CREB3L2: variants seen among roughly 807,000 people sequenced by gnomAD.
The protein encoded by CREB3L2 is cyclic AMP-responsive element-binding protein 3-like protein 2.
A neutral mutation model predicts 57.2 loss-of-function variants in CREB3L2; 23 were observed. The observed-to-expected ratio is 0.40, with a 90% CI of 0.29 to 0.57. The LOEUF (loss-of-function observed/expected upper bound fraction) is 0.57, where lower values mean the gene tolerates loss of function less well. CREB3L2 is among the 20% of genes least tolerant of loss of function. CREB3L2 has a pLI of 0.42. For synonymous variants in CREB3L2, 268 were observed against 265.1 expected (o/e 1.01, Z -0.11); for missense variants, 628 against 634.7 (o/e 0.99, Z 0.11).
chr7:137,972,734 TATAGAGAGAGAGAG>T (rs1327413539), intron 1 of CREB3L2, among the ~76,000 whole-genome samples: 113 of 23,414 alleles, frequency 4.8e-3, no homozygotes, highest in African/African-American at 0.022. Flanking sequence ...TATATATATA[TATAGAGAGAGAGAG>T]AGAGAGAGAG....
At chr7:137,921,374 T>TA (rs1800270723) in intron 2 of CREB3L2, among the ~76,000 whole-genome samples, 1 of 151,806 alleles carries the variant, frequency 6.6e-6, no homozygotes, top group Non-Finnish European at 1.5e-5. Flanking sequence ...AGCAAGAAAA[T>TA]AAAAACAAGC....
intron 2 of CREB3L2, among the ~76,000 whole-genome samples, chr7:137,927,021 G>A (rs1469795284): frequency 6.6e-6 from 1 of 152,030 alleles, no homozygotes; most frequent in Non-Finnish European, 1.5e-5. Flanking sequence ...GCCAGGTGTA[G>A]TGGCACATGC....
intron 9 of CREB3L2, 125 bp downstream of exon 9, chr7:137,885,278 T>C: frequency 8.5e-7 from 1 of 1,172,748 alleles, no homozygotes; most frequent in Non-Finnish European, 1.2e-6. Context: ...AGGAACAGCC[T>C]CAGAGTGGAG....
chr7:137,982,135 C>A (rs992608455), intron 1 of CREB3L2, among the ~76,000 whole-genome samples: 1 of 152,180 alleles, frequency 6.6e-6, no homozygotes, highest in Non-Finnish European at 1.5e-5. Context: ...TTAGCTTTTA[C>A]CACTGTTAGG....
rs931194774 is a variant in CREB3L2, at chr7:137,884,967, C to T, written c.1270+28G>A. 2.5e-6 allele frequency: 4 copies of T among 1,613,972 alleles called. No homozygotes were observed. The African/African-American group carries it at 5.3e-5, about 22-fold the overall frequency. The stretch of plus-strand genomic sequence containing the variant: ...AGCTCTAGGGAAATAAAACAAGACC[C>T]TGCCCAACTTGCCACATGCTGTCTT... On this transcript the variant is annotated intron_variant, in intron 10 of 11. Coordinates refer to ENST00000330387, the MANE Select transcript of CREB3L2 (RefSeq NM_194071.4).
At chr7:137,956,725 T>C (rs1353956822) in intron 1 of CREB3L2, 9 of 1,024,574 alleles carry the variant, frequency 8.8e-6, no homozygotes, top group Non-Finnish European at 1.2e-5. Flanking sequence ...AGGTTCTGAA[T>C]TCTTTGAGTT....
chr7:137,989,910 T>G (rs1801859154), intron 1 of CREB3L2, among the ~76,000 whole-genome samples: 1 of 152,194 alleles, frequency 6.6e-6, no homozygotes, highest in South Asian at 2.1e-4. Context: ...TATCCTCTCT[T>G]GAATTCATCT....
chr7:137,959,161 G>A (rs968886635), intron 1 of CREB3L2, among the ~76,000 whole-genome samples: 4 of 152,184 alleles, frequency 2.6e-5, no homozygotes, highest in Admixed American at 6.5e-5. Context: ...CCATGAAGAG[G>A]TGATGTCTAT....
chr7:137,926,576 C>T (rs190759271), intron 2 of CREB3L2, among the ~76,000 whole-genome samples: 17 of 152,112 alleles, frequency 1.1e-4, no homozygotes, highest in East Asian at 3.9e-4. Flanking sequence ...CAGGGCCTGT[C>T]GGTGGGTAGC....
chr7:137,900,664 C>A (rs983181711), intron 8 of CREB3L2, among the ~76,000 whole-genome samples: 1 of 151,494 alleles, frequency 6.6e-6, no homozygotes, highest in Non-Finnish European at 1.5e-5. Flanking sequence ...ATTAGCCGGA[C>A]GTGGTGGCGC....
In CREB3L2 at chr7:138,001,811, T is replaced by TGC. The variant is rs1164928402; in HGVS notation, c.-108_-107dup. On this transcript the variant is annotated 5_prime_UTR_variant, in exon 1 of 12. Coordinates refer to ENST00000330387, the MANE Select transcript of CREB3L2 (RefSeq NM_194071.4). This position sits in a 1 kb window ranked among gnomAD's most constrained non-coding sequence, Gnocchi z 4.2. ...CTCTCTCCGCGTGTGCTTGCGTGTG[T>TGC]GCGCGCGCGTGTCTGTAGTTTTGCA... is the stretch of plus-strand genomic sequence containing the variant. The TGC allele has an allele frequency of 2.2e-5, 16 of 731,130 alleles. No individual in the cohort carries two copies. Among genetic ancestry groups the TGC allele is most frequent in the East Asian group, 1.9e-4 (6 of 32,042 alleles). 45.3% of individuals were successfully genotyped at this position (731,130 alleles called of 1,614,324 possible). A position where few individuals can be genotyped will look rare whatever the true frequency, so the allele number is the denominator to read the frequency against.
intron 1 of CREB3L2, among the ~76,000 whole-genome samples, chr7:137,979,759 A>G (rs894508877): frequency 1.4e-5 from 2 of 141,622 alleles, no homozygotes; most frequent in East Asian, 3.9e-4. Flanking sequence ...CAACAACAAC[A>G]ACAACAAAGA....
In CREB3L2 at chr7:137,946,784, A is replaced by ATATATATAGT. The variant is rs1563262175; in HGVS notation, c.103-18419_103-18418insACTATATATA. On this transcript the variant is annotated intron_variant, in intron 1 of 11. Coordinates refer to ENST00000330387, the MANE Select transcript of CREB3L2 (RefSeq NM_194071.4). ...ATATAGTTTAGTTATCTATATAGTT[A>ATATATATAGT]TCTATATAGTTATATATAGTTATAT... is the stretch of plus-strand genomic sequence containing the variant. Among the ~76,000 whole-genome samples, 27 of 65,710 alleles carry ATATATATAGT rather than the reference A, an allele frequency of 4.1e-4. 2 individuals carry two copies. The highest frequency in any genetic ancestry group is 2.9e-3 in the African/African-American group (24 of 8,240). 43.1% of individuals were successfully genotyped at this position (65,710 alleles called of 152,430 possible).
chr7:137,970,507 T>C (rs1801488178), intron 1 of CREB3L2, among the ~76,000 whole-genome samples: 1 of 144,910 alleles, frequency 6.9e-6, no homozygotes, highest in Non-Finnish European at 1.5e-5. Context: ...AACTTTACGT[T>C]CAGGGTGAAT....
intron 1 of CREB3L2, among the ~76,000 whole-genome samples, chr7:137,971,203 C>G (rs1170776471): frequency 2.0e-5 from 3 of 152,056 alleles, no homozygotes. Flanking sequence ...GTAATCCCAG[C>G]ACTTTGGGAG....
At chr7:137,928,667 G>T (rs1800538164) in intron 1 of CREB3L2, among the ~76,000 whole-genome samples, 1 of 152,156 alleles carries the variant, frequency 6.6e-6, no homozygotes, top group African/African-American at 2.4e-5. Context: ...GCTGGGCTGG[G>T]ACCCCTGGAC....
At chr7:137,955,190 C>T (rs1801182963) in intron 1 of CREB3L2, 12 of 871,804 alleles carry the variant, frequency 1.4e-5, no homozygotes, top group Non-Finnish European at 2.0e-5. Context: ...ATTAGAAACC[C>T]CCTGAAATCC....
At chr7:137,928,606 C>A (rs1800536555) in intron 1 of CREB3L2, among the ~76,000 whole-genome samples, 1 of 152,150 alleles carries the variant, frequency 6.6e-6, no homozygotes, top group Non-Finnish European at 1.5e-5. Flanking sequence ...GAGCTGATTT[C>A]ATCTGTGTTC....
Position 137,940,756 on chromosome 7 carries a change from C to T in CREB3L2, c.103-12390G>A, listed in dbSNP as rs551108892. Among the ~76,000 whole-genome samples, 91 of 152,288 alleles carry T rather than the reference C, an allele frequency of 6.0e-4. 3 individuals carry two copies. Among genetic ancestry groups the T allele is most frequent in the South Asian group, 4.1e-3 (20 of 4,824 alleles). ...GATGAAGTTTGTGGGAAAAAATGAA[C>T]GGCATGCATGCTTCCTAGAAACCTA... On this transcript the variant is annotated intron_variant, in intron 1 of 11. Transcript: ENST00000330387.
Sources: allele counts gnomAD v4.1 joint callset (sites outside exome capture counted in the v4.1 genomes callset), GRCh38; gene constraint gnomAD v4.1.1; non-coding constraint Gnocchi (gnomAD v3.1); transcripts MANE v1.5; gene names NCBI Gene and HGNC (gene_info 2026-07-23, HGNC 2026-07-21).